The following EPB41L2 variants were observed in gnomAD, a reference collection of about 807,000 sequenced individuals.
The protein encoded by EPB41L2 is erythrocyte membrane protein band 4.1 like 2, also known as band 4.1-like protein 2.
Under a neutral mutation model 113.0 loss-of-function variants are expected in EPB41L2, and 43 were observed. That is an observed-to-expected ratio of 0.38 (90% confidence interval 0.30 to 0.49). The LOEUF is 0.49. EPB41L2 is among the 20% of genes least tolerant of loss of function. The pLI is 0.95. For synonymous variants in EPB41L2, 442 were observed against 436.7 expected (o/e 1.01, Z -0.15); for missense variants, 1,147 against 1,223.4 (o/e 0.94, Z 0.93).
chr6:130,956,768 T>A (rs1272834025), intron 1 of EPB41L2, among the ~76,000 whole-genome samples: 1 of 152,188 alleles, frequency 6.6e-6, no homozygotes, highest in Admixed American at 6.5e-5. Flanking sequence ...CTTAAAATCA[T>A]CAAGAACTCA....
chr6:130,879,569 T>C (rs969204145), intron 13 of EPB41L2, among the ~76,000 whole-genome samples: 5 of 152,316 alleles, frequency 3.3e-5, no homozygotes, highest in South Asian at 4.1e-4. Context: ...AATTGGGTGA[T>C]TGGGCTTTCT....
At chr6:130,934,881 TA>T (rs1321998667) in intron 3 of EPB41L2, among the ~76,000 whole-genome samples, 2 of 151,640 alleles carry the variant, frequency 1.3e-5, no homozygotes. Context: ...CGTATACAAG[TA>T]AACAGTTAAG....
intron 1 of EPB41L2, among the ~76,000 whole-genome samples, chr6:131,055,154 C>T (rs1431891898): frequency 6.6e-6 from 1 of 152,132 alleles, no homozygotes; most frequent in Non-Finnish European, 1.5e-5. Flanking sequence ...AAGAAGGGAG[C>T]TAGGGCACTG....
At chr6:130,979,276 G>A (rs887867886) in intron 1 of EPB41L2, among the ~76,000 whole-genome samples, 24 of 151,854 alleles carry the variant, frequency 1.6e-4, no homozygotes, top group African/African-American at 5.1e-4. Flanking sequence ...ACTTGAGGTC[G>A]GAAGTTTGAG....
intron 14 of EPB41L2, chr6:130,872,323 T>C: frequency 1.6e-6 from 2 of 1,225,564 alleles, no homozygotes; most frequent in South Asian, 1.4e-5. Context: ...AATGAAAATC[T>C]CTCTCATATG....
chr6:130,869,867 C>T lies in EPB41L2; in HGVS notation c.2303G>A (p.Arg768Lys). 2.5e-6 allele frequency: 4 copies of T among 1,613,418 alleles called. No individual in the cohort carries two copies. The African/African-American group carries it at 4.0e-5, about 16-fold the overall frequency. Reference sequence around the variant, plus strand: ...CTCTTCTTCATACTCCTGTTCCTCCCTGATGGTGCCCTCGGTCACTCGGTG... The same window carrying T: ...CTCTTCTTCATACTCCTGTTCCTCCTTGATGGTGCCCTCGGTCACTCGGTG... ...PHHRVTEGTI[R>K]EEQEYEEEVE... Residue 768 changes from arginine to lysine, a missense_variant, in exon 15 of 20, where the codon AGG (arginine) becomes AAG (lysine). Coordinates refer to ENST00000337057, the MANE Select transcript of EPB41L2 (RefSeq NM_001431.4).
chr6:130,865,442 AC>A lies in EPB41L2; in HGVS notation c.2829+93del, dbSNP rs540105306. The A allele has an allele frequency of 3.0e-4, 369 of 1,238,302 alleles. 1 individual carries two copies. The South Asian group carries it at 5.0e-3, about 17-fold the overall frequency. The allele number at this position is 1,238,302 out of a possible 1,614,324, so 76.7% of individuals were successfully genotyped here. A position where few individuals can be genotyped will look rare whatever the true frequency, so the allele number is the denominator to read the frequency against. ...ATTCCGCTGGCACTGTCTGTATCTT[AC>A]TTGGAAGTGTGTACAGGAAGAGAGA... On this transcript the variant is annotated intron_variant, in intron 17 of 19. Coordinates refer to ENST00000337057, the MANE Select transcript of EPB41L2 (RefSeq NM_001431.4).
chr6:130,840,928 T>C (rs371922549), intron 19 of EPB41L2, among the ~76,000 whole-genome samples: 1 of 152,132 alleles, frequency 6.6e-6, no homozygotes, highest in South Asian at 2.1e-4. Flanking sequence ...TTTAAAGCTA[T>C]ACTCAGGGAA....
In EPB41L2 at chr6:130,922,815, A is replaced by C. The variant is rs575510045; in HGVS notation, c.810+3790T>G. On this transcript the variant is annotated intron_variant, in intron 4 of 19. Transcript: ENST00000337057. ...GTTACAAAGAAGTACTCCTGGTTAC[A>C]AGCCTCCATATGAATATGATATTCA... 9.8e-5 allele frequency among the ~76,000 whole-genome samples: 15 copies of C among 152,330 alleles called. No homozygotes were observed. The South Asian group carries it at 3.1e-3, about 32-fold the overall frequency.
In EPB41L2 at chr6:130,915,289, C is replaced by T. The variant is rs1461305331; in HGVS notation, c.811-6426G>A. 7.9e-5 allele frequency among the ~76,000 whole-genome samples: 12 copies of T among 152,098 alleles called. No homozygotes were observed. In the East Asian group the frequency reaches 9.7e-4, roughly 12 times the overall value. ...CTGCACTCCAGCCTGGGCGACAGAG[C>T]GAGACTCCGTCTCAAAAAAAAAGAA... On this transcript the variant is annotated intron_variant, in intron 4 of 19. Coordinates refer to ENST00000337057, the MANE Select transcript of EPB41L2 (RefSeq NM_001431.4).
rs772313730 is a variant in EPB41L2, at chr6:130,926,674, C to T, written c.741G>A (p.Val247=). The T allele has an allele frequency of 1.9e-6, 3 of 1,609,210 alleles. No homozygotes were observed. Among genetic ancestry groups the T allele is most frequent in the Admixed American group, 1.7e-5 (1 of 58,964 alleles). Residue 247 remains valine, a synonymous_variant, in exon 4 of 20, where the codon GTG becomes GTA. Coordinates refer to ENST00000337057, the MANE Select transcript of EPB41L2 (RefSeq NM_001431.4). ...TCTCCAAGAGATTGAGGTGTTCACA[C>T]ACTTTGTCAAATAACACTTGTCCCT... The part of the protein sequence containing the change: ...HAKGQVLFDK[V]CEHLNLLEKD...
chr6:130,857,940 C>T (rs1440674487), intron 19 of EPB41L2, among the ~76,000 whole-genome samples, 191 bp downstream of exon 19: 2 of 152,152 alleles, frequency 1.3e-5, no homozygotes, highest in African/African-American at 4.8e-5. Flanking sequence ...GAGTTATTGA[C>T]ACCACATGAC....
intron 3 of EPB41L2, among the ~76,000 whole-genome samples, chr6:130,941,563 G>T (rs1330815926): frequency 6.6e-6 from 1 of 152,162 alleles, no homozygotes; most frequent in Admixed American, 6.5e-5. Context: ...GATTCATACA[G>T]GCTTTCTGTG....
chr6:130,927,971 T>C (rs1442556369), intron 3 of EPB41L2, among the ~76,000 whole-genome samples: 6 of 151,992 alleles, frequency 3.9e-5, no homozygotes, highest in Non-Finnish European at 7.4e-5. Flanking sequence ...CGTGTGCTTG[T>C]AGTCTCAGCT....
At chr6:130,855,773 T>A (rs1435012032) in intron 19 of EPB41L2, among the ~76,000 whole-genome samples, 2 of 151,746 alleles carry the variant, frequency 1.3e-5, no homozygotes, top group Non-Finnish European at 2.9e-5. Context: ...CAATGCCAAC[T>A]GAAGTACTGC....
At chr6:130,929,273 G>A (rs902976995) in intron 3 of EPB41L2, among the ~76,000 whole-genome samples, 1 of 152,198 alleles carries the variant, frequency 6.6e-6, no homozygotes, top group Non-Finnish European at 1.5e-5. Context: ...TATCTGAAGG[G>A]AATCTTAGAG....
At chr6:130,859,797 CA>C (rs978513137) in intron 18 of EPB41L2, among the ~76,000 whole-genome samples, 2 of 149,688 alleles carry the variant, frequency 1.3e-5, no homozygotes, top group Admixed American at 1.3e-4. Flanking sequence ...ATTTTTTGCA[CA>C]GAAACTTGGA....
In EPB41L2 at chr6:130,898,075, C is replaced by A. The variant is rs556563136; in HGVS notation, c.1236+1416G>T. Among the ~76,000 whole-genome samples the A allele has an allele frequency of 4.5e-5, 5 of 111,302 alleles. No homozygotes were observed. In the East Asian group the frequency reaches 1.3e-3, roughly 29 times the overall value. The allele number at this position is 111,302 out of a possible 152,430, so 73.0% of individuals were successfully genotyped here. Reference sequence around the variant, plus strand: ...ATAGTATGACCCCATTTTTAGAAGGCATGTGAATTCAACTGCCCAGGGGTC... The same window carrying A: ...ATAGTATGACCCCATTTTTAGAAGGAATGTGAATTCAACTGCCCAGGGGTC... On this transcript the variant is annotated intron_variant, in intron 8 of 19. Transcript: ENST00000337057.
At chr6:130,841,221 C>CA (rs113100092) in intron 19 of EPB41L2, among the ~76,000 whole-genome samples, 22,706 of 138,894 alleles carry the variant, frequency 0.16, 2,247 homozygotes, top group African/African-American at 0.28. Context: ...TCTAATTGAC[C>CA]AAAAAAAAAA....
Sources: allele counts gnomAD v4.1 joint callset (sites outside exome capture counted in the v4.1 genomes callset), GRCh38; gene constraint gnomAD v4.1.1; transcripts MANE v1.5; gene names NCBI Gene and HGNC (gene_info 2026-07-23, HGNC 2026-07-21).